Variants in SIPA1L1 observed in about 807,000 individuals in gnomAD.
SIPA1L1 encodes the protein signal induced proliferation associated 1 like 1.
A neutral mutation model predicts 162.7 loss-of-function variants in SIPA1L1; 26 were observed. That is an observed-to-expected ratio of 0.16 (90% confidence interval 0.12 to 0.22). The LOEUF is 0.22. Among genes scored for constraint, SIPA1L1 ranks in the 10% least tolerant of loss-of-function variants. SIPA1L1 has a pLI of 1.00. For missense variants in SIPA1L1, 1,874 were observed against 2,241.0 expected (o/e 0.84, Z 3.31); for synonymous variants, 829 against 837.4 (o/e 0.99, Z 0.17).
chr14:71,320,679 C>T (rs1257073573), intron 1 of SIPA1L1, 176 bp downstream of exon 1: 3 of 147,856 alleles, frequency 2.0e-5, no homozygotes, highest in Non-Finnish European at 4.5e-5. Context: ...CTGTCCCCTC[C>T]CCCATGCGGT....
chr14:71,422,649 T>C (rs1430363276), intron 2 of SIPA1L1, among the ~76,000 whole-genome samples: 1 of 152,248 alleles, frequency 6.6e-6, no homozygotes, highest in Non-Finnish European at 1.5e-5. Context: ...TTGTAGCATG[T>C]GTAAGAATTT....
At chr14:71,686,186 A>G (rs533890580) in intron 13 of SIPA1L1, among the ~76,000 whole-genome samples, 1 of 152,360 alleles carries the variant, frequency 6.6e-6, no homozygotes, top group East Asian at 1.9e-4. Context: ...CTTAGTCCTG[A>G]GTAAAGTAAG....
chr14:71,561,977 T>C (rs1208132818), intron 4 of SIPA1L1, among the ~76,000 whole-genome samples: 1 of 152,246 alleles, frequency 6.6e-6, no homozygotes, highest in African/African-American at 2.4e-5. Flanking sequence ...AGTAACACAG[T>C]ATATTTTTTC....
intron 6 of SIPA1L1, among the ~76,000 whole-genome samples, chr14:71,621,883 A>G (rs1372069301): frequency 6.6e-6 from 1 of 151,848 alleles, no homozygotes; most frequent in Non-Finnish European, 1.5e-5. Context: ...ATTAATTGCC[A>G]CTAGGTTTTG....
intron 5 of SIPA1L1, among the ~76,000 whole-genome samples, chr14:71,604,156 C>G (rs933299469): frequency 3.3e-5 from 5 of 151,142 alleles, no homozygotes; most frequent in Admixed American, 3.3e-4. Flanking sequence ...TGCCACCACG[C>G]CTGGCTCACT....
intron 3 of SIPA1L1, among the ~76,000 whole-genome samples, chr14:71,522,969 G>A (rs2052508796): frequency 2.0e-5 from 3 of 152,030 alleles, no homozygotes; most frequent in South Asian, 2.1e-4. Context: ...CACTGCACCC[G>A]ACCTTACTCT....
At chr14:71,457,623 C>T (rs1384470396) in intron 2 of SIPA1L1, among the ~76,000 whole-genome samples, 4 of 148,062 alleles carry the variant, frequency 2.7e-5, no homozygotes, top group Non-Finnish European at 5.9e-5. Flanking sequence ...GACGGAATTT[C>T]GCTTTTATCA....
In SIPA1L1 at chr14:71,527,084, A is replaced by G. The variant is rs559225349; in HGVS notation, c.-361-2228A>G. ...CATTGTAGTTTTAATTTGTATTTCC[A>G]TGGTGATGCATGAAGTTGAACACCT... On this transcript the variant is annotated intron_variant, in intron 3 of 23. Coordinates refer to ENST00000381232, the MANE Select transcript of SIPA1L1 (RefSeq NM_001386936.1). Among the ~76,000 whole-genome samples the G allele has an allele frequency of 3.3e-5, 5 of 152,284 alleles. No homozygotes were observed. In the South Asian group the frequency reaches 1.0e-3, roughly 32 times the overall value.
intron 8 of SIPA1L1, among the ~76,000 whole-genome samples, chr14:71,655,282 T>C (rs948333232): frequency 1.3e-5 from 2 of 152,186 alleles, no homozygotes; most frequent in East Asian, 3.8e-4. Flanking sequence ...GCATGTGTGT[T>C]GTTGCCAGGG....
chr14:71,691,166 G>A (rs1381486938), intron 13 of SIPA1L1, among the ~76,000 whole-genome samples: 1 of 152,150 alleles, frequency 6.6e-6, no homozygotes, highest in Non-Finnish European at 1.5e-5. Flanking sequence ...ACAGCCTCTA[G>A]GTATGATTAC....
rs2085495459 is a variant in SIPA1L1 at position 71,738,283 on chromosome 14, G to T, written c.5166G>T (p.Gln1722His). The T allele has an allele frequency of 1.9e-6, 3 of 1,613,636 alleles. No homozygotes were observed. The highest frequency in any genetic ancestry group is 1.7e-5 in the Admixed American group (1 of 59,986). ...SSPTLASKVDQLEGMLKMLRE... is the reference protein window; with the variant it reads ...SSPTLASKVDHLEGMLKMLRE... ...CCACTCTGGCTTCTAAAGTGGACCAGCTGGAAGGTATGCTGAAGATGCTTC... is the reference window on the plus strand; with the variant it reads ...CCACTCTGGCTTCTAAAGTGGACCATCTGGAAGGTATGCTGAAGATGCTTC... The change falls in exon 23 of 24, where the codon CAG (glutamine) becomes CAT (histidine). Residue 1722 changes from glutamine to histidine, a missense_variant. Around this residue, in one of 5 missense-constraint regions of SIPA1L1, gnomAD observed 936 missense variants for 1,051.9 expected, o/e 0.89. Transcript: ENST00000381232.
At position 71,413,227 on chromosome 14, in the gene SIPA1L1, C is replaced by T. The variant is rs576635955; in HGVS notation, c.-465+92046C>T. On this transcript the variant is annotated intron_variant, in intron 2 of 23. Transcript: ENST00000381232. ...TCACCTGTGGGTACAAAATTGCTCC[C>T]TGTAGAGAACTAGTATTTTGGAATA... Among the ~76,000 whole-genome samples, 4 of 152,278 alleles carry T rather than the reference C, an allele frequency of 2.6e-5. No individual in the cohort carries two copies. In the South Asian group the frequency reaches 8.3e-4, roughly 32 times the overall value.
intron 18 of SIPA1L1, 39 bp downstream of exon 18, chr14:71,723,925 T>G: frequency 6.2e-7 from 1 of 1,612,276 alleles, no homozygotes; most frequent in Non-Finnish European, 8.5e-7. Flanking sequence ...TGGCTTGCTT[T>G]TAACAGGACA....
chr14:71,444,150 A>G (rs980639124), intron 2 of SIPA1L1, among the ~76,000 whole-genome samples: 1 of 152,228 alleles, frequency 6.6e-6, no homozygotes. Context: ...TCTTATGTTC[A>G]GTTACCCTGA....
intron 7 of SIPA1L1, among the ~76,000 whole-genome samples, chr14:71,640,280 T>C (rs186990631): frequency 6.4e-4 from 98 of 152,340 alleles, no homozygotes; most frequent in Non-Finnish European, 8.8e-5. Context: ...TTAAATTTTT[T>C]TGAGAAAAAC....
At chr14:71,698,519 G>A (rs2081831021) in intron 13 of SIPA1L1, among the ~76,000 whole-genome samples, 1 of 152,148 alleles carries the variant, frequency 6.6e-6, no homozygotes, top group South Asian at 2.1e-4. Context: ...ATTCATTCCA[G>A]AGTGTGAATA....
At chr14:71,345,340 T>C (rs1329130880) in intron 2 of SIPA1L1, among the ~76,000 whole-genome samples, 3 of 151,968 alleles carry the variant, frequency 2.0e-5, no homozygotes, top group African/African-American at 7.2e-5. Context: ...CGCTTTCCTA[T>C]ATGCAGTGCA....
chr14:71,326,045 T>C (rs937064478), intron 2 of SIPA1L1, among the ~76,000 whole-genome samples: 4 of 152,094 alleles, frequency 2.6e-5, no homozygotes, highest in African/African-American at 9.7e-5. Flanking sequence ...TTGGATTCCT[T>C]TTTTCCTCTT....
chr14:71,585,225 A>G (rs915795291), intron 4 of SIPA1L1, among the ~76,000 whole-genome samples: 1 of 152,054 alleles, frequency 6.6e-6, no homozygotes, highest in Admixed American at 6.6e-5. Context: ...TGACTGAAAA[A>G]AAATCTGTTA....
Sources: allele counts gnomAD v4.1 joint callset (sites outside exome capture counted in the v4.1 genomes callset), GRCh38; gene constraint gnomAD v4.1.1; regional missense constraint gnomAD v4.1.1; transcripts MANE v1.5; gene names NCBI Gene and HGNC (gene_info 2026-07-23, HGNC 2026-07-21).